ALDH1A2: variants seen among roughly 807,000 people sequenced by gnomAD.
ALDH1A2 encodes retinal dehydrogenase 2.
ALDH1A2 carries 27 observed loss-of-function variants against 60.3 expected under a neutral mutation model. The observed-to-expected ratio is 0.45, with a 90% CI of 0.33 to 0.62. ALDH1A2 has a LOEUF of 0.62. Ranked by LOEUF, ALDH1A2 falls within the 20% of genes least tolerant of loss-of-function variation. ALDH1A2 has a pLI of 0.02. For missense variants in ALDH1A2, 581 were observed against 643.8 expected (o/e 0.90, Z 1.06); for synonymous variants, 289 against 232.4 (o/e 1.24, Z -2.21).
chr15:58,049,998 G>A (rs1297018562), intron 1 of ALDH1A2, among the ~76,000 whole-genome samples: 1 of 152,082 alleles, frequency 6.6e-6, no homozygotes, highest in Admixed American at 6.6e-5. Flanking sequence ...GGGTGTGAGT[G>A]TGGGTCTTGA....
chr15:57,984,678 C>T (rs1368800275), intron 7 of ALDH1A2, among the ~76,000 whole-genome samples: 2 of 152,198 alleles, frequency 1.3e-5, no homozygotes, highest in African/African-American at 4.8e-5. Context: ...CAGGCTGCAG[C>T]ATGTATAAAT....
In ALDH1A2 at chr15:57,954,146, A is replaced by G. The variant is rs1893438783; in HGVS notation, c.*1051T>C. ...CAGATTTTCCAAGGTCACTGCCAATAGATACAGGGCACATTATGATAGATG... is the reference window on the plus strand; with the variant it reads ...CAGATTTTCCAAGGTCACTGCCAATGGATACAGGGCACATTATGATAGATG... On this transcript the variant is annotated 3_prime_UTR_variant, in exon 13 of 13. Transcript: ENST00000249750. 6.6e-6 allele frequency: 1 copy of G among 152,396 alleles called. No homozygotes were observed. Among genetic ancestry groups the G allele is most frequent in the Non-Finnish European group, 1.5e-5 (1 of 68,058 alleles). The allele number at this position is 152,396 out of a possible 1,614,324, so 9.4% of individuals were successfully genotyped here. A position where few individuals can be genotyped will look rare whatever the true frequency, so the allele number is the denominator to read the frequency against.
At chr15:57,971,415 A>T (rs1282991608) in intron 7 of ALDH1A2, among the ~76,000 whole-genome samples, 2 of 152,112 alleles carry the variant, frequency 1.3e-5, no homozygotes, top group Non-Finnish European at 2.9e-5. Flanking sequence ...ACTGACTTTT[A>T]AAAAAATATG....
chr15:57,979,645 A>T (rs937740091), intron 7 of ALDH1A2: 6 of 179,152 alleles, frequency 3.3e-5, no homozygotes, highest in African/African-American at 1.4e-4. Flanking sequence ...TAAGAAAAAA[A>T]AGATGAAAAC....
At chr15:57,985,471 A>G (rs1894665893) in intron 7 of ALDH1A2, among the ~76,000 whole-genome samples, 2 of 152,214 alleles carry the variant, frequency 1.3e-5, no homozygotes, top group South Asian at 4.1e-4. Flanking sequence ...TGACCCTGAG[A>G]AACAGGTATG....
At chr15:57,967,649 G>A (rs1893939824) in intron 7 of ALDH1A2, among the ~76,000 whole-genome samples, 1 of 152,138 alleles carries the variant, frequency 6.6e-6, no homozygotes, top group African/African-American at 2.4e-5. Flanking sequence ...ACCTTAGGGG[G>A]AAAAAGTGAT....
At chr15:58,019,524 GA>G (rs1328137049) in intron 1 of ALDH1A2, among the ~76,000 whole-genome samples, 4 of 152,158 alleles carry the variant, frequency 2.6e-5, no homozygotes, top group African/African-American at 9.7e-5. Flanking sequence ...TCTTCATTTG[GA>G]AAATATAGAA....
intron 7 of ALDH1A2, among the ~76,000 whole-genome samples, chr15:57,972,056 T>A (rs1894086902): frequency 6.6e-6 from 1 of 152,196 alleles, no homozygotes; most frequent in Admixed American, 6.5e-5. Flanking sequence ...GAGCACCTAT[T>A]CTGTCTACTT....
chr15:58,025,486 T>C (rs1303700761), intron 1 of ALDH1A2, among the ~76,000 whole-genome samples: 1 of 151,976 alleles, frequency 6.6e-6, no homozygotes, highest in Non-Finnish European at 1.5e-5. Context: ...CCTGAACAGC[T>C]CAATAACAAG....
intron 4 of ALDH1A2, among the ~76,000 whole-genome samples, chr15:58,005,699 T>A (rs143033657): frequency 3.5e-3 from 529 of 152,002 alleles, no homozygotes; most frequent in Middle Eastern, 0.01. Flanking sequence ...ATCTAAAAAT[T>A]TAACAACAAA....
chr15:57,999,157 A>G (rs560683669), intron 4 of ALDH1A2, among the ~76,000 whole-genome samples: 3 of 152,264 alleles, frequency 2.0e-5, no homozygotes, highest in East Asian at 3.9e-4. Context: ...TTGCATGATG[A>G]AAACGTCAAA....
chr15:57,959,517 C>G (rs567097234), intron 12 of ALDH1A2, among the ~76,000 whole-genome samples: 2 of 152,158 alleles, frequency 1.3e-5, no homozygotes, highest in African/African-American at 4.8e-5. Context: ...AAAGAGGAAT[C>G]ATCTATATAA....
At chr15:58,012,192 T>G (rs1264066100) in intron 3 of ALDH1A2, 5 of 152,122 alleles carry the variant, frequency 3.3e-5, no homozygotes. Context: ...GCATTTGAGT[T>G]TTATTATATG....
intron 1 of ALDH1A2, among the ~76,000 whole-genome samples, chr15:58,024,201 G>A (rs1896010667): frequency 6.6e-6 from 1 of 151,592 alleles, no homozygotes; most frequent in South Asian, 2.1e-4. Flanking sequence ...ACCACTACAG[G>A]AATCCAAACT....
At chr15:58,021,333 G>A (rs1050105414) in intron 1 of ALDH1A2, among the ~76,000 whole-genome samples, 3 of 152,096 alleles carry the variant, frequency 2.0e-5, no homozygotes, top group African/African-American at 7.2e-5. Flanking sequence ...AGAGAACACC[G>A]GAATTCAACA....
intron 1 of ALDH1A2, among the ~76,000 whole-genome samples, chr15:58,061,490 A>T (rs1897030753): frequency 6.6e-6 from 1 of 151,542 alleles, no homozygotes; most frequent in Non-Finnish European, 1.5e-5. Context: ...TTAGAATCAA[A>T]AGTCACAAAA....
At chr15:57,997,192 C>T (rs1412560715) in intron 4 of ALDH1A2, among the ~76,000 whole-genome samples, 2 of 151,996 alleles carry the variant, frequency 1.3e-5, no homozygotes, top group Non-Finnish European at 2.9e-5. Context: ...CTGAGTAATA[C>T]TTTAAACATC....
At chr15:58,045,493 C>T (rs138738582) in intron 1 of ALDH1A2, among the ~76,000 whole-genome samples, 2,369 of 152,116 alleles carry the variant, frequency 0.016, 61 homozygotes, top group African/African-American at 0.048. Context: ...TGGAACCAAC[C>T]CAAATGTCCA....
chr15:57,980,227 C>A, intron 7 of ALDH1A2: 1 of 330,686 alleles, frequency 3.0e-6, no homozygotes, highest in Non-Finnish European at 6.2e-6. Context: ...TGCCAATGTC[C>A]ACCCCGCTCT....
Sources: gnomAD v4.1 joint callset for allele counts (sites outside exome capture counted in the v4.1 genomes callset) on GRCh38, gnomAD v4.1.1 for gene constraint, MANE v1.5 for transcripts, NCBI Gene and HGNC (gene_info 2026-07-23, HGNC 2026-07-21) for gene names.